KYNU: variants seen among roughly 807,000 people sequenced by gnomAD.
KYNU encodes kynureninase, also known as L-kynurenine hydrolase.
A neutral mutation model predicts 59.2 loss-of-function variants in KYNU; 54 were observed. That is an observed-to-expected ratio of 0.91 (90% CI 0.73 to 1.14). The LOEUF (loss-of-function observed/expected upper bound fraction) is 1.14, where lower values mean the gene tolerates loss of function less well. KYNU is among the 50% of genes most tolerant of loss of function. KYNU has a pLI of 0.00. For missense variants in KYNU, 567 were observed against 554.4 expected (o/e 1.02, Z -0.23); for synonymous variants, 177 against 192.0 (o/e 0.92, Z 0.65).
At position 142,938,027 on chromosome 2, in the gene KYNU, G is replaced by C. The variant is rs151058225; in HGVS notation, c.373+10286G>C. Among the ~76,000 whole-genome samples, 1,452 of 152,244 alleles carry C rather than the reference G, an allele frequency of 9.5e-3. 26 individuals are homozygous for C. Among genetic ancestry groups the C allele is most frequent in the African/African-American group, 0.032 (1,346 of 41,536 alleles). ...CATAATAGTGGATTTTGTAAGATAG[G>C]AACAAGGACTTCGGTAATTTTTTTT... On this transcript the variant is annotated intron_variant, in intron 4 of 13. Transcript: ENST00000264170.
intron 8 of KYNU, among the ~76,000 whole-genome samples, chr2:142,972,779 A>G (rs1405002921): frequency 1.4e-5 from 2 of 146,554 alleles, no homozygotes; most frequent in Non-Finnish European, 3.0e-5. Flanking sequence ...TGTAGACTAC[A>G]GAGACAGAGG....
At chr2:142,972,758 A>C (rs545821995) in intron 8 of KYNU, among the ~76,000 whole-genome samples, 1 of 150,960 alleles carries the variant, frequency 6.6e-6, no homozygotes, top group South Asian at 2.1e-4. Context: ...TTTGCCATTT[A>C]TAGTCAATTA....
chr2:142,908,192 A>G (rs1682361374), intron 2 of KYNU, among the ~76,000 whole-genome samples: 1 of 152,058 alleles, frequency 6.6e-6, no homozygotes, highest in African/African-American at 2.4e-5. Context: ...GTAGCTTTTT[A>G]ATTTTATTAC....
rs1156960710 is a variant in KYNU at position 143,026,864 on chromosome 2, TCGAAGTTA to T, written c.903-2752_903-2745del. On this transcript the variant is annotated intron_variant, in intron 10 of 13. Transcript: ENST00000264170. Reference sequence around the variant, plus strand: ...AGCCAGTGTGACAGCCAGACTCTTCTCGAAGTTACGAAGTTACGCCACCAAGCTGTCCC... The same window carrying T: ...AGCCAGTGTGACAGCCAGACTCTTCTCGAAGTTACGCCACCAAGCTGTCCC... 2.0e-5 allele frequency among the ~76,000 whole-genome samples: 3 copies of T among 152,174 alleles called. No individual in the cohort carries two copies. The East Asian group carries it at 5.8e-4, about 29-fold the overall frequency.
chr2:143,038,221 T>G (rs1309244437), intron 12 of KYNU, among the ~76,000 whole-genome samples: 1 of 152,128 alleles, frequency 6.6e-6, no homozygotes, highest in East Asian at 1.9e-4. Context: ...CCACAAAATT[T>G]CCTAGAATTA....
At chr2:142,896,933 T>C (rs1681898382) in intron 2 of KYNU, among the ~76,000 whole-genome samples, 1 of 152,224 alleles carries the variant, frequency 6.6e-6, no homozygotes, top group African/African-American at 2.4e-5. Flanking sequence ...ATGCACAGTA[T>C]ATTTATTTTT....
rs1558989052 is a variant in KYNU, at chr2:143,040,659, G to GCGA, written c.1272+1_1272+2insCGA. The GCGA allele has an allele frequency of 6.3e-7, 1 of 1,587,728 alleles. No individual in the cohort carries two copies. Among genetic ancestry groups the GCGA allele is most frequent in the Non-Finnish European group, 8.6e-7 (1 of 1,161,020 alleles). On this transcript the variant is annotated splice_donor_variant, in intron 13 of 13. Transcript: ENST00000264170. LOFTEE classifies it high-confidence loss of function. The stretch of plus-strand genomic sequence containing the variant: ...AGAACTAGAAAAAAGAGGAGTGGTT[G>GCGA]TAAGTATGTCTTGCTTTGCTACCAG...
At chr2:142,963,821 C>G (rs1684433919) in intron 8 of KYNU, among the ~76,000 whole-genome samples, 1 of 152,112 alleles carries the variant, frequency 6.6e-6, no homozygotes, top group African/African-American at 2.4e-5. Flanking sequence ...GTTGAATATT[C>G]CTTACCTGAA....
At chr2:142,958,818 AT>A (rs1217775055) in intron 7 of KYNU, among the ~76,000 whole-genome samples, 1 of 152,136 alleles carries the variant, frequency 6.6e-6, no homozygotes, top group Non-Finnish European at 1.5e-5. Context: ...CTTAATACTG[AT>A]TTTTTAAGAT....
intron 2 of KYNU, among the ~76,000 whole-genome samples, chr2:142,911,517 T>G (rs1351758820): frequency 6.6e-6 from 1 of 152,120 alleles, no homozygotes; most frequent in African/African-American, 2.4e-5. Flanking sequence ...GATAGATAAT[T>G]TTTTTTCTAT....
chr2:142,893,530 A>G (rs1382696810), intron 2 of KYNU, among the ~76,000 whole-genome samples: 1 of 152,230 alleles, frequency 6.6e-6, no homozygotes, highest in Non-Finnish European at 1.5e-5. Flanking sequence ...ATCGGAAATG[A>G]GATTTTTAGG....
At chr2:143,021,650 C>T (rs1352887357) in intron 10 of KYNU, among the ~76,000 whole-genome samples, 1 of 152,056 alleles carries the variant, frequency 6.6e-6, no homozygotes, top group Admixed American at 6.6e-5. Flanking sequence ...TTTTAAACGA[C>T]CAGAAATCAC....
chr2:143,020,274 A>G (rs939920176), intron 10 of KYNU, among the ~76,000 whole-genome samples: 5 of 152,054 alleles, frequency 3.3e-5, no homozygotes, highest in African/African-American at 4.8e-5. Context: ...ATTGCCATAA[A>G]CTTTCCTCTT....
intron 2 of KYNU, among the ~76,000 whole-genome samples, chr2:142,889,403 A>G (rs552420505): frequency 1.3e-5 from 2 of 152,146 alleles, no homozygotes; most frequent in South Asian, 4.1e-4. Context: ...CACCTGTCAT[A>G]TGAAAGTCTA....
chr2:142,985,300 T>C (rs1393202899), intron 9 of KYNU, 118 bp downstream of exon 9: 1 of 713,026 alleles, frequency 1.4e-6, no homozygotes, highest in Non-Finnish European at 2.6e-6. Context: ...TTTCTTTTAT[T>C]GTATTTTCTG....
rs1687336771 is a variant in KYNU at position 143,055,463 on chromosome 2, T to A, written c.*13291T>A. On this transcript the variant is annotated 3_prime_UTR_variant, in exon 14 of 14. Coordinates refer to ENST00000264170, the MANE Select transcript of KYNU (RefSeq NM_003937.3). ...CCACTTTTAAGAGCCTTTTTGAGTC[T>A]ATTGAGGCCAACTGGACAATCAAGG... 6.6e-6 allele frequency: 1 copy of A among 152,258 alleles called. No individual in the cohort carries two copies. The highest frequency in any genetic ancestry group is 1.5e-5 in the Non-Finnish European group (1 of 68,056). 9.4% of individuals were successfully genotyped at this position (152,258 alleles called of 1,614,324 possible).
intron 3 of KYNU, among the ~76,000 whole-genome samples, chr2:142,919,109 A>G (rs904924381): frequency 7.2e-5 from 11 of 152,224 alleles, no homozygotes; most frequent in Admixed American, 6.5e-5. Context: ...TTTTTTCCCC[A>G]AATATTTTTG....
intron 8 of KYNU, among the ~76,000 whole-genome samples, chr2:142,966,973 G>C (rs1468973607): frequency 1.5e-5 from 2 of 135,516 alleles, no homozygotes; most frequent in African/African-American, 2.6e-5. Context: ...TTCCACACTA[G>C]AATTAAAAAA....
chr2:142,947,366 ACT>A, intron 4 of KYNU: 1 of 805,028 alleles, frequency 1.2e-6, no homozygotes, highest in Non-Finnish European at 1.9e-6. Context: ...AGCTTACTGT[ACT>A]GTGTCTTTTT....
Sources: allele counts gnomAD v4.1 joint callset (sites outside exome capture counted in the v4.1 genomes callset), GRCh38; gene constraint gnomAD v4.1.1; transcripts MANE v1.5; gene names NCBI Gene and HGNC (gene_info 2026-07-23, HGNC 2026-07-21).